Variants in VWA3B observed in about 807,000 individuals in gnomAD.
VWA3B encodes the protein von Willebrand factor A domain-containing protein 3B.
In VWA3B, 138 loss-of-function variants were observed where a neutral mutation model predicts 158.3. The observed-to-expected ratio is 0.87, with a 90% CI of 0.76 to 1.00. VWA3B has a LOEUF of 1.00. Among genes scored for constraint, VWA3B ranks in the 50% least tolerant of loss-of-function variants. The probability of loss-of-function intolerance (pLI) is 0.00; values close to 1 mark genes in which losing one functional copy is unlikely to be tolerated. For missense variants in VWA3B, 1,555 were observed against 1,565.1 expected, an observed-to-expected ratio of 0.99 and a Z score of 0.11; for synonymous variants, 596 against 587.3, an observed-to-expected ratio of 1.01 and a Z score of -0.21.
At chr2:98,103,765 T>C (rs2104865686) in intron 2 of VWA3B, among the ~76,000 whole-genome samples, 1 of 152,318 alleles carries the variant, frequency 6.6e-6, no homozygotes, top group African/African-American at 2.4e-5. Flanking sequence ...TATTTATAAA[T>C]GTTAATTAGA....
At chr2:98,280,669 T>C (rs565042341) in intron 22 of VWA3B, among the ~76,000 whole-genome samples, 1 of 152,196 alleles carries the variant, frequency 6.6e-6, no homozygotes, top group South Asian at 2.1e-4. Flanking sequence ...TGCACTGGGG[T>C]TTTGGGATGC....
chr2:98,137,653 T>C (rs949522288), intron 7 of VWA3B, among the ~76,000 whole-genome samples: 2 of 152,178 alleles, frequency 1.3e-5, no homozygotes, highest in Non-Finnish European at 2.9e-5. Flanking sequence ...TATTGAACAA[T>C]TAAAAAGTGT....
chr2:98,270,411 T>A (rs1688124274), intron 21 of VWA3B, among the ~76,000 whole-genome samples: 3 of 152,224 alleles, frequency 2.0e-5, no homozygotes, highest in Admixed American at 2.0e-4. Flanking sequence ...TCATACTTCT[T>A]TAAAATCAGA....
intron 3 of VWA3B, among the ~76,000 whole-genome samples, chr2:98,116,730 T>C (rs182763239): frequency 7.2e-5 from 11 of 152,320 alleles, no homozygotes; most frequent in African/African-American, 2.4e-4. Context: ...GGTCTTGAAC[T>C]CCTAAGCTCA....
chr2:98,096,458 G>A (rs912462989), intron 2 of VWA3B, among the ~76,000 whole-genome samples: 9 of 151,820 alleles, frequency 5.9e-5, no homozygotes, highest in East Asian at 3.9e-4. Flanking sequence ...TAGTAGAGAC[G>A]GGATTTCACC....
At chr2:98,187,546 C>A (rs1474302008) in intron 9 of VWA3B, among the ~76,000 whole-genome samples, 1 of 152,096 alleles carries the variant, frequency 6.6e-6, no homozygotes, top group Non-Finnish European at 1.5e-5. Flanking sequence ...GTCGCTCTCT[C>A]TTCTTTACCA....
intron 19 of VWA3B, among the ~76,000 whole-genome samples, chr2:98,244,574 T>C (rs536144311): frequency 1.2e-4 from 19 of 152,276 alleles, no homozygotes; most frequent in African/African-American, 4.1e-4. Flanking sequence ...TACGATAAAC[T>C]TAAAAAAAGT....
chr2:98,298,443 T>TATTCTATTCTATTCTATGCC (rs1409392020), intron 24 of VWA3B, among the ~76,000 whole-genome samples: 7 of 121,686 alleles, frequency 5.8e-5, no homozygotes, highest in Non-Finnish European at 9.2e-5. Flanking sequence ...TATTCTATTC[T>TATTCTATTCTATTCTATGCC]ATGCCATGCC....
intron 7 of VWA3B, among the ~76,000 whole-genome samples, chr2:98,138,284 T>A (rs1402325267): frequency 1.3e-5 from 2 of 152,212 alleles, no homozygotes; most frequent in African/African-American, 4.8e-5. Context: ...TCTGCCCTTT[T>A]AGGCTGCTTG....
rs756905569 is a variant in VWA3B, at chr2:98,180,125, T to TCCTC, written c.1115-875_1115-872dup. Among the ~76,000 whole-genome samples, 11 of 149,990 alleles carry TCCTC rather than the reference T, an allele frequency of 7.3e-5. No individual in the cohort carries two copies. In the South Asian group the frequency reaches 1.9e-3, roughly 26 times the overall value. On this transcript the variant is annotated intron_variant, in intron 8 of 27. Coordinates refer to ENST00000477737, the MANE Select transcript of VWA3B (RefSeq NM_144992.5). ...CTTTTCTTTCTTTCTTCTGTCTCTCTCCTCCCTCCCTCCCTCCCTTTCTCT... is the reference window on the plus strand; with the variant it reads ...CTTTTCTTTCTTTCTTCTGTCTCTCTCCTCCCTCCCTCCCTCCCTCCCTTTCTCT...
intron 7 of VWA3B, among the ~76,000 whole-genome samples, chr2:98,153,922 C>T (rs897013278): frequency 1.1e-4 from 17 of 152,290 alleles, no homozygotes; most frequent in Admixed American, 2.6e-4. Context: ...AGTGCAATGG[C>T]GCAATCTCGG....
chr2:98,223,380 G>A (rs529515990), intron 14 of VWA3B, among the ~76,000 whole-genome samples: 11 of 149,316 alleles, frequency 7.4e-5, no homozygotes, highest in South Asian at 4.2e-4. Flanking sequence ...TAGTATCATC[G>A]GAGTCCACCA....
chr2:98,089,229 C>A (rs141040143), intron 1 of VWA3B, among the ~76,000 whole-genome samples: 1 of 152,238 alleles, frequency 6.6e-6, no homozygotes, highest in Non-Finnish European at 1.5e-5. Flanking sequence ...GTGCCTGCTG[C>A]GTATGAGGCC....
At chr2:98,111,459 T>C (rs1674127687) in intron 2 of VWA3B, among the ~76,000 whole-genome samples, 1 of 152,214 alleles carries the variant, frequency 6.6e-6, no homozygotes, top group African/African-American at 2.4e-5. Flanking sequence ...ATTTTAATTC[T>C]TAAAGAAATC....
chr2:98,115,665 T>C lies in VWA3B; in HGVS notation c.210T>C (p.Ser70=). 1 of 1,613,866 alleles carries C rather than the reference T, an allele frequency of 6.2e-7. No homozygotes were observed. Among genetic ancestry groups the C allele is most frequent in the Non-Finnish European group, 8.5e-7 (1 of 1,179,986 alleles). Reference sequence around the variant, plus strand: ...ATAAAAATGCAGATTATGTGGCGTCTCTGGGGAGACCTGTGGCTTCTCGGT... The same window carrying C: ...ATAAAAATGCAGATTATGTGGCGTCCCTGGGGAGACCTGTGGCTTCTCGGT... ...GFPHCEDYVA[S]LGRPVASRYA... is the part of the protein sequence containing the mutation. The change falls in exon 3 of 28, where the codon TCT becomes TCC. Residue 70 remains serine (S), a synonymous_variant. Coordinates refer to ENST00000477737, the MANE Select transcript of VWA3B (RefSeq NM_144992.5).
intron 22 of VWA3B, among the ~76,000 whole-genome samples, chr2:98,272,403 T>C (rs1432794162): frequency 3.3e-5 from 5 of 152,218 alleles, no homozygotes; most frequent in African/African-American, 1.2e-4. Context: ...GTGCTCTCCC[T>C]GGGTGGGCCA....
intron 12 of VWA3B, among the ~76,000 whole-genome samples, chr2:98,204,892 C>T (rs553047799): frequency 1.3e-4 from 20 of 152,296 alleles, no homozygotes; most frequent in Admixed American, 1.2e-3. Context: ...GGCAGGATCA[C>T]CTGAAGTCAG....
intron 14 of VWA3B, among the ~76,000 whole-genome samples, chr2:98,221,104 C>G (rs1684463738): frequency 6.6e-6 from 1 of 151,762 alleles, no homozygotes; most frequent in Admixed American, 6.6e-5. Flanking sequence ...CCTGCGTGTT[C>G]TGCACATATA....
At chr2:98,142,437 C>T (rs563191987) in intron 7 of VWA3B, among the ~76,000 whole-genome samples, 25 of 152,144 alleles carry the variant, frequency 1.6e-4, no homozygotes, top group Middle Eastern at 3.2e-3. Flanking sequence ...TTCAAAGCTA[C>T]CTGCTTTGTA....
Sources: gnomAD v4.1 joint callset for allele counts (sites outside exome capture counted in the v4.1 genomes callset) on GRCh38, gnomAD v4.1.1 for gene constraint, MANE v1.5 for transcripts, NCBI Gene and HGNC (gene_info 2026-07-23, HGNC 2026-07-21) for gene names.